Variants in TFDP2 observed in about 807,000 individuals in gnomAD.
TFDP2 encodes the protein transcription factor Dp-2, also known as transcription factor Dp-2 (E2F dimerization partner 2).
TFDP2 carries 17 observed loss-of-function variants against 59.3 expected under a neutral mutation model. That is an observed-to-expected ratio of 0.29 (90% CI 0.20 to 0.43). The LOEUF (loss-of-function observed/expected upper bound fraction) is 0.43. TFDP2 is among the 20% of genes least tolerant of loss of function. The pLI, the probability that TFDP2 is intolerant of heterozygous loss-of-function variation, is 1.00. For missense variants in TFDP2, 391 were observed against 528.8 expected (o/e 0.74, Z 2.56); for synonymous variants, 180 against 194.7 (o/e 0.92, Z 0.63).
intron 3 of TFDP2, among the ~76,000 whole-genome samples, chr3:142,083,644 A>C (rs964370952): frequency 2.0e-5 from 3 of 152,190 alleles, no homozygotes; most frequent in African/African-American, 7.2e-5. Context: ...TGATACTGGC[A>C]AAAAAACAGA....
At chr3:142,110,258 C>T (rs771357040) in intron 1 of TFDP2, among the ~76,000 whole-genome samples, 9 of 152,132 alleles carry the variant, frequency 5.9e-5, no homozygotes, top group Non-Finnish European at 1.0e-4. Flanking sequence ...AATCCCAGCA[C>T]TTTGGTAGGC....
At chr3:142,096,182 A>C (rs1384062545) in intron 2 of TFDP2, among the ~76,000 whole-genome samples, 2 of 152,218 alleles carry the variant, frequency 1.3e-5, no homozygotes, top group African/African-American at 4.8e-5. Context: ...CTGCATGCTA[A>C]TCTTAGTCTC....
chr3:142,115,033 A>G (rs1167528030), intron 1 of TFDP2, among the ~76,000 whole-genome samples: 2 of 152,136 alleles, frequency 1.3e-5, no homozygotes, highest in East Asian at 3.8e-4. Flanking sequence ...AAGAAAATAC[A>G]ATACAAAGCA....
intron 3 of TFDP2, among the ~76,000 whole-genome samples, chr3:142,009,706 C>T (rs1371185927): frequency 6.9e-6 from 1 of 144,600 alleles, no homozygotes; most frequent in Non-Finnish European, 1.5e-5. Context: ...GAGCAAGACT[C>T]TGTCTCAAAA....
intron 3 of TFDP2, among the ~76,000 whole-genome samples, chr3:142,080,944 C>T (rs940783898): frequency 6.6e-6 from 1 of 152,154 alleles, no homozygotes; most frequent in Non-Finnish European, 1.5e-5. Context: ...AGAAAATCCA[C>T]AAGGAAACAC....
intron 3 of TFDP2, among the ~76,000 whole-genome samples, chr3:142,059,559 T>C (rs1290433297): frequency 1.3e-5 from 2 of 152,100 alleles, no homozygotes; most frequent in East Asian, 1.9e-4. Context: ...TATTGAGACA[T>C]AGTGTCACCG....
At chr3:141,975,098 G>A (rs1013414698) in intron 7 of TFDP2, among the ~76,000 whole-genome samples, 2 of 151,690 alleles carry the variant, frequency 1.3e-5, no homozygotes, top group African/African-American at 2.4e-5. Flanking sequence ...ATTTTTAGTA[G>A]AGACGGGGTT....
Position 141,959,774 on chromosome 3 carries a change from C to T in TFDP2, c.951G>A (p.Arg317=), listed in dbSNP as rs1438215571. The stretch of plus-strand genomic sequence containing the variant: ...ACTCCAGGCCAAACGACATTCCCAT[C>T]CGCTTTAGTACTTCTATGTCATCAT... ...EIHDDIEVLK[R]MGMSFGLESG... The change falls in exon 11 of 13, where the codon CGG becomes CGA. Residue 317 remains arginine (R), a synonymous_variant. Coordinates refer to ENST00000489671, the MANE Select transcript of TFDP2 (RefSeq NM_001178139.2). 8.7e-6 allele frequency: 14 copies of T among 1,614,054 alleles called. No homozygotes were observed. Among genetic ancestry groups the T allele is most frequent in the Non-Finnish European group, 1.2e-5 (14 of 1,180,030 alleles).
chr3:141,992,499 A>G (rs985138514), intron 6 of TFDP2, among the ~76,000 whole-genome samples: 1 of 152,238 alleles, frequency 6.6e-6, no homozygotes, highest in Non-Finnish European at 1.5e-5. Context: ...GGCCTTAAAC[A>G]TTGCTAAATA....
intron 8 of TFDP2, among the ~76,000 whole-genome samples, chr3:141,973,107 ATATATATATATATATATTT>A (rs1034670871): frequency 3.0e-4 from 32 of 107,880 alleles, no homozygotes; most frequent in African/African-American, 9.8e-4. Flanking sequence ...ATATATATAT[ATATATATATATATATATTT>A]TTTTTTTTTA....
chr3:141,961,237 GTTTTTTT>G (rs1177754086), intron 10 of TFDP2, among the ~76,000 whole-genome samples: 5 of 84,676 alleles, frequency 5.9e-5, no homozygotes, highest in African/African-American at 1.9e-4. Context: ...GTTTTTTGTT[GTTTTTTT>G]TTTTTTTTTT....
rs2061054459 is a variant in TFDP2, at chr3:142,093,197, T to C, written c.16-70A>G. On this transcript the variant is annotated intron_variant, in intron 2 of 12. Transcript: ENST00000489671. Reference sequence around the variant, plus strand: ...TATGTGTTCACTTAACAAGCTATTTTATATCTTCCATCAGACATCCATATC... The same window carrying C: ...TATGTGTTCACTTAACAAGCTATTTCATATCTTCCATCAGACATCCATATC... 5.9e-6 allele frequency: 6 copies of C among 1,015,932 alleles called. 1 individual carries two copies. The Admixed American group carries it at 1.1e-4, about 18-fold the overall frequency. The allele number at this position is 1,015,932 out of a possible 1,614,324, so 62.9% of individuals were successfully genotyped here. A position where few individuals can be genotyped will look rare whatever the true frequency, so the allele number is the denominator to read the frequency against.
At chr3:142,017,300 G>A (rs1307930727) in intron 3 of TFDP2, among the ~76,000 whole-genome samples, 2 of 152,082 alleles carry the variant, frequency 1.3e-5, no homozygotes, top group Non-Finnish European at 2.9e-5. Context: ...CTCCAGCTAG[G>A]TGTCTCCAAC....
intron 1 of TFDP2, among the ~76,000 whole-genome samples, chr3:142,110,596 A>G (rs2061620460): frequency 6.6e-6 from 1 of 152,144 alleles, no homozygotes; most frequent in African/African-American, 2.4e-5. Flanking sequence ...CTACTCATTC[A>G]TTTACTTATT....
At chr3:142,007,264 G>A (rs1025776490) in intron 3 of TFDP2, among the ~76,000 whole-genome samples, 1 of 151,750 alleles carries the variant, frequency 6.6e-6, no homozygotes, top group Non-Finnish European at 1.5e-5. Context: ...TCTATTTCTT[G>A]TACCCACTCA....
At chr3:141,955,427 GC>G (rs1357754163) in intron 11 of TFDP2, among the ~76,000 whole-genome samples, 1 of 152,170 alleles carries the variant, frequency 6.6e-6, no homozygotes, top group African/African-American at 2.4e-5. Context: ...TATTGAGTAA[GC>G]CCTTTATTCA....
At chr3:142,073,651 G>A (rs1259250785) in intron 3 of TFDP2, among the ~76,000 whole-genome samples, 1 of 152,048 alleles carries the variant, frequency 6.6e-6, no homozygotes, top group Non-Finnish European at 1.5e-5. Flanking sequence ...GGAAGTAGAC[G>A]TCAAGTTGAA....
intron 1 of TFDP2, among the ~76,000 whole-genome samples, chr3:142,145,996 T>G (rs1039466285): frequency 7.9e-5 from 12 of 152,184 alleles, no homozygotes; most frequent in Non-Finnish European, 1.3e-4. Context: ...ATAAAATTTT[T>G]TATCACCTTT....
At chr3:142,017,450 C>T (rs192176237) in intron 3 of TFDP2, among the ~76,000 whole-genome samples, 3 of 152,198 alleles carry the variant, frequency 2.0e-5, no homozygotes, top group Non-Finnish European at 1.5e-5. Flanking sequence ...CGAATCACCA[C>T]CAAAATATTC....
Sources: gnomAD v4.1 joint callset for allele counts (sites outside exome capture counted in the v4.1 genomes callset) on GRCh38, gnomAD v4.1.1 for gene constraint, MANE v1.5 for transcripts, NCBI Gene and HGNC (gene_info 2026-07-23, HGNC 2026-07-21) for gene names.